Variants in MRPS9 observed in about 807,000 individuals in gnomAD.
MRPS9 encodes the protein mitochondrial ribosomal protein S9.
In MRPS9, 45 loss-of-function variants were observed where a neutral mutation model predicts 59.9. The ratio of observed to expected loss-of-function variants is 0.75; its 90% confidence interval spans 0.59 to 0.96. MRPS9 has a LOEUF of 0.96. Among genes scored for constraint, MRPS9 ranks in the 40% least tolerant of loss-of-function variants. The probability of loss-of-function intolerance (pLI) is 0.00; values close to 1 mark genes in which losing one functional copy is unlikely to be tolerated. For synonymous variants in MRPS9, 171 were observed against 166.8 expected, an observed-to-expected ratio of 1.03 and a Z score of -0.19; for missense variants, 473 against 481.1, an observed-to-expected ratio of 0.98 and a Z score of 0.16.
chr2:105,043,763 T>C (rs7559550), intron 1 of MRPS9, among the ~76,000 whole-genome samples: 61,454 of 150,886 alleles, frequency 0.41, 12,431 homozygotes, highest in East Asian at 0.44. Context: ...GCCTCCCAAG[T>C]AGCTGGGATT....
At position 105,045,341 on chromosome 2, in the gene MRPS9, CT is replaced by C. The variant is rs539221109; in HGVS notation, c.136-3818del. On this transcript the variant is annotated intron_variant, in intron 1 of 10. Transcript: ENST00000258455. ...GCCAAAAAAAAAAGAAAACCCAATTCTTTTTTTTTTTTCATATAGCAAAAGA... is the reference window on the plus strand; with the variant it reads ...GCCAAAAAAAAAAGAAAACCCAATTCTTTTTTTTTTTCATATAGCAAAAGA... 2.9e-3 allele frequency among the ~76,000 whole-genome samples: 407 copies of C among 141,096 alleles called. 2 individuals carry two copies. Among genetic ancestry groups the C allele is most frequent in the Admixed American group, 8.2e-3 (116 of 14,146 alleles). The allele number at this position is 141,096 out of a possible 152,430, so 92.6% of individuals were successfully genotyped here. A position where few individuals can be genotyped will look rare whatever the true frequency, so the allele number is the denominator to read the frequency against.
intron 2 of MRPS9, among the ~76,000 whole-genome samples, chr2:105,059,008 T>C (rs1679847061): frequency 6.6e-6 from 1 of 151,786 alleles, no homozygotes; most frequent in Admixed American, 6.6e-5. Flanking sequence ...GTTCTGTACT[T>C]ACTAAATATA....
At chr2:105,097,053 C>A in intron 9 of MRPS9, 102 bp from the exon 10 acceptor site, 3 of 1,193,564 alleles carry the variant, frequency 2.5e-6, no homozygotes, top group Non-Finnish European at 2.2e-6. Flanking sequence ...ATAACAGTGG[C>A]ATGCAGAATA....
In MRPS9 at chr2:105,079,880, A is replaced by T. The variant is rs1680293765; in HGVS notation, c.410-103A>T. On this transcript the variant is annotated intron_variant, in intron 4 of 10. Transcript: ENST00000258455. ...TGTTGGTGATTTTTTTGTATTTTTTATTACTCAATTATAAATGTGTCTCAT... is the reference window on the plus strand; with the variant it reads ...TGTTGGTGATTTTTTTGTATTTTTTTTTACTCAATTATAAATGTGTCTCAT... 5 of 607,874 alleles carry T rather than the reference A, an allele frequency of 8.2e-6. No homozygotes were observed. Among genetic ancestry groups the T allele is most frequent in the Middle Eastern group, 2.8e-4 (1 of 3,580 alleles). The allele number at this position is 607,874 out of a possible 1,614,324, so 37.7% of individuals were successfully genotyped here.
At chr2:105,038,348 T>C in intron 1 of MRPS9, 121 bp downstream of exon 1, 1 of 1,322,716 alleles carries the variant, frequency 7.6e-7, no homozygotes, top group Non-Finnish European at 1.0e-6. Context: ...TCTTAGGTAT[T>C]TAGTGGAGGT....
chr2:105,038,336 G>A, intron 1 of MRPS9, 109 bp downstream of exon 1: 6 of 1,419,794 alleles, frequency 4.2e-6, no homozygotes, highest in Non-Finnish European at 4.8e-6. Context: ...GGGACTCTAG[G>A]ATCTTAGGTA....
chr2:105,092,177 T>C, intron 7 of MRPS9: 1 of 427,998 alleles, frequency 2.3e-6, no homozygotes, highest in Non-Finnish European at 4.1e-6. Context: ...CTTTGAATGA[T>C]AAATCTCTTT....
chr2:105,082,298 C>T (rs1395292194), intron 5 of MRPS9, among the ~76,000 whole-genome samples: 4 of 152,148 alleles, frequency 2.6e-5, no homozygotes, highest in Admixed American at 6.5e-5. Flanking sequence ...GTTTTTCCCA[C>T]GTTATTGCCC....
rs986957181 is a variant in MRPS9, at chr2:105,047,483, A to G, written c.136-1688A>G. 9.9e-5 allele frequency among the ~76,000 whole-genome samples: 15 copies of G among 152,092 alleles called. 1 individual carries two copies. The Middle Eastern group carries it at 0.041, about 414-fold the overall frequency. The stretch of plus-strand genomic sequence containing the variant: ...CTGAATTTAGGACTCTTGGAAGGGA[A>G]GGGGATGGAGGTAGGAGGGATGGTG... On this transcript the variant is annotated intron_variant, in intron 1 of 10. Transcript: ENST00000258455.
In MRPS9 at chr2:105,092,439, A is replaced by G. The variant is rs550297467; in HGVS notation, c.690A>G (p.Thr230=). ...QFIRLLEKLL[T]SQCGAAEEEF... is the part of the protein sequence containing the mutation. Reference sequence around the variant, plus strand: ...TTCGGCTGCTAGAAAAGTTATTGACATCGCAGTGTGGTGCTGCTGAGGAAG... The same window carrying G: ...TTCGGCTGCTAGAAAAGTTATTGACGTCGCAGTGTGGTGCTGCTGAGGAAG... Residue 230 remains threonine, a synonymous_variant, in exon 8 of 11, where the codon ACA becomes ACG. Coordinates refer to ENST00000258455, the MANE Select transcript of MRPS9 (RefSeq NM_182640.3). The G allele has an allele frequency of 2.7e-5, 44 of 1,613,208 alleles. No homozygotes were observed. The East Asian group carries it at 4.7e-4, about 17-fold the overall frequency.
intron 4 of MRPS9, among the ~76,000 whole-genome samples, chr2:105,076,712 A>G (rs1680219266): frequency 6.6e-6 from 1 of 152,238 alleles, no homozygotes. Context: ...AATAGATATT[A>G]TGTCCTTAAA....
At chr2:105,087,577 CT>C (rs1371902874) in intron 5 of MRPS9, among the ~76,000 whole-genome samples, 3 of 152,140 alleles carry the variant, frequency 2.0e-5, no homozygotes, top group African/African-American at 7.2e-5. Flanking sequence ...CTCTCTGCTT[CT>C]TTTTTCTTTT....
chr2:105,067,169 A>G (rs928876300), intron 2 of MRPS9, among the ~76,000 whole-genome samples: 1 of 152,212 alleles, frequency 6.6e-6, no homozygotes, highest in African/African-American at 2.4e-5. Context: ...CAATATCATT[A>G]TCACATCTGA....
chr2:105,081,059 C>T (rs993174537), intron 5 of MRPS9, among the ~76,000 whole-genome samples: 1 of 152,196 alleles, frequency 6.6e-6, no homozygotes, highest in Non-Finnish European at 1.5e-5. Flanking sequence ...GGTTCTCTCC[C>T]GCACAGCCTG....
chr2:105,095,979 A>G (rs990984823), intron 9 of MRPS9, among the ~76,000 whole-genome samples: 5 of 152,086 alleles, frequency 3.3e-5, no homozygotes, highest in Admixed American at 1.3e-4. Flanking sequence ...TTTAGTTATC[A>G]TAGTATATTA....
intron 5 of MRPS9, among the ~76,000 whole-genome samples, chr2:105,082,337 A>G (rs888249484): frequency 1.3e-5 from 2 of 152,180 alleles, no homozygotes; most frequent in African/African-American, 2.4e-5. Flanking sequence ...CCCAGATGCC[A>G]TTGGCCAGGA....
At chr2:105,051,108 G>A (rs938911360) in intron 2 of MRPS9, among the ~76,000 whole-genome samples, 2 of 152,234 alleles carry the variant, frequency 1.3e-5, no homozygotes, top group African/African-American at 4.8e-5. Context: ...GTATACCTTA[G>A]AAACCATTGC....
At chr2:105,074,156 A>G (rs1192671966) in intron 4 of MRPS9, among the ~76,000 whole-genome samples, 1 of 152,196 alleles carries the variant, frequency 6.6e-6, no homozygotes, top group Admixed American at 6.5e-5. Flanking sequence ...GAATATGGAC[A>G]TTGTATTATA....
At chr2:105,074,741 A>G (rs749614043) in intron 4 of MRPS9, among the ~76,000 whole-genome samples, 107 of 152,180 alleles carry the variant, frequency 7.0e-4, no homozygotes, top group African/African-American at 2.4e-3. Context: ...ACCAGACTCA[A>G]CTGACTCTCA....
Sources: allele counts gnomAD v4.1 joint callset (sites outside exome capture counted in the v4.1 genomes callset), GRCh38; gene constraint gnomAD v4.1.1; transcripts MANE v1.5; gene names NCBI Gene and HGNC (gene_info 2026-07-23, HGNC 2026-07-21).